The following PCDHGA5 variants were observed in gnomAD, a reference collection of about 807,000 sequenced individuals.
PCDHGA5 encodes protocadherin gamma-A5.
Under a neutral mutation model 56.7 loss-of-function variants are expected in PCDHGA5, and 36 were observed. The observed-to-expected ratio is 0.64, with a 90% CI of 0.49 to 0.84. The LOEUF is 0.84. PCDHGA5 is among the 40% of genes least tolerant of loss of function. The pLI is 0.00. For missense variants in PCDHGA5, 1,305 were observed against 1,201.5 expected, an observed-to-expected ratio of 1.09 and a Z score of -1.27; for synonymous variants, 563 against 520.2, an observed-to-expected ratio of 1.08 and a Z score of -1.12.
intron 1 of PCDHGA5, chr5:141,430,875 T>A (rs1323872183): frequency 6.3e-7 from 1 of 1,599,400 alleles, no homozygotes; most frequent in Non-Finnish European, 8.5e-7. Context: ...CCGGAAGAGC[T>A]GGAGAAAGGC....
At chr5:141,502,056 C>A (rs1163976282) in intron 2 of PCDHGA5, among the ~76,000 whole-genome samples, 1 of 152,116 alleles carries the variant, frequency 6.6e-6, no homozygotes, top group Non-Finnish European at 1.5e-5. Context: ...CTACTTTATT[C>A]CCATTAGCCC....
intron 1 of PCDHGA5, among the ~76,000 whole-genome samples, chr5:141,386,802 A>T (rs1262742441): frequency 6.6e-6 from 1 of 152,248 alleles, no homozygotes; most frequent in East Asian, 1.9e-4. Context: ...AAAATTTATT[A>T]GATGCATAAA....
intron 1 of PCDHGA5, chr5:141,426,302 A>G (rs1590676929): frequency 1.2e-5 from 2 of 172,322 alleles, no homozygotes; most frequent in East Asian, 1.4e-4. Context: ...AACAGGGTGA[A>G]GCAGAGAAGC....
intron 1 of PCDHGA5, among the ~76,000 whole-genome samples, chr5:141,387,427 GT>G (rs1416187411): frequency 6.6e-6 from 1 of 152,220 alleles, no homozygotes; most frequent in Non-Finnish European, 1.5e-5. Context: ...GTCAATAAAT[GT>G]TTATGTACTT....
At chr5:141,375,622 TCTGTACGCC>T in intron 1 of PCDHGA5, 1 of 1,614,200 alleles carries the variant, frequency 6.2e-7, no homozygotes. Flanking sequence ...ACACTGGGAT[TCTGTACGCC>T]CTGCGCTCCT....
intron 1 of PCDHGA5, chr5:141,372,047 G>C (rs1768347911): frequency 1.2e-6 from 2 of 1,613,408 alleles, no homozygotes; most frequent in Non-Finnish European, 1.7e-6. Context: ...TGCGCGTGTT[G>C]GTGGACGACC....
intron 1 of PCDHGA5, chr5:141,398,831 C>T: frequency 6.2e-7 from 1 of 1,614,014 alleles, no homozygotes; most frequent in South Asian, 1.1e-5. Context: ...GTAACCGACG[C>T]CAATGATAAT....
At chr5:141,467,901 C>T (rs1484485803) in intron 1 of PCDHGA5, among the ~76,000 whole-genome samples, 7 of 152,034 alleles carry the variant, frequency 4.6e-5, no homozygotes, top group Admixed American at 1.3e-4. Flanking sequence ...TCAAGAAATC[C>T]GCCCACCTCA....
At chr5:141,478,519 G>T (rs778194073) in intron 1 of PCDHGA5, 19 of 1,610,728 alleles carry the variant, frequency 1.2e-5, no homozygotes, top group Non-Finnish European at 1.6e-5. Flanking sequence ...GGCAGGTGTT[G>T]GGTGCAGAGA....
intron 1 of PCDHGA5, among the ~76,000 whole-genome samples, chr5:141,453,315 T>A (rs1410108522): frequency 6.6e-6 from 1 of 151,214 alleles, no homozygotes; most frequent in African/African-American, 2.5e-5. Context: ...TTATTTATTT[T>A]AGAGATGGGG....
chr5:141,375,688 C>A, intron 1 of PCDHGA5: 2 of 1,614,256 alleles, frequency 1.2e-6, no homozygotes, highest in South Asian at 2.2e-5. Flanking sequence ...TGACAGCCAG[C>A]GACAGCGGGG....
chr5:141,456,263 T>C (rs2098847567), intron 1 of PCDHGA5, among the ~76,000 whole-genome samples: 2 of 152,292 alleles, frequency 1.3e-5, no homozygotes, highest in South Asian at 2.1e-4. Flanking sequence ...CCATTGCTTC[T>C]GGCTACTTCC....
Position 141,364,352 on chromosome 5 carries a change from T to C in PCDHGA5, c.22T>C (p.Trp8Arg). ...GGCAATGGCGAGTCCACCTAGGGGCTGGGGCTGCGGAGAGCTGCTGCTGCC... is the reference window on the plus strand; with the variant it reads ...GGCAATGGCGAGTCCACCTAGGGGCCGGGGCTGCGGAGAGCTGCTGCTGCC... MASPPRG[W>R]GCGELLLPFM... The change falls in exon 1 of 4, where the codon TGG becomes CGG. Residue 8 changes from tryptophan to arginine, a missense_variant. Trp to Arg is a moderately radical substitution (Grantham distance 101). Coordinates refer to ENST00000518069, the MANE Select transcript of PCDHGA5 (RefSeq NM_018918.3). 1 of 1,551,202 alleles carries C rather than the reference T, an allele frequency of 6.4e-7. No individual in the cohort carries two copies. Among genetic ancestry groups the C allele is most frequent in the Non-Finnish European group, 8.7e-7 (1 of 1,151,596 alleles).
rs376101780 is a variant in PCDHGA5, at chr5:141,485,901, A to G, written c.2422-8906A>G. 3 of 1,614,026 alleles carry G rather than the reference A, an allele frequency of 1.9e-6. No homozygotes were observed. In the African/African-American group the frequency reaches 4.0e-5, roughly 22 times the overall value. Reference sequence around the variant, plus strand: ...GTAAACGACAACGCCCCAGCCTTCCAGCAATCCAGCTACAGGATTAGTGTG... The same window carrying G: ...GTAAACGACAACGCCCCAGCCTTCCGGCAATCCAGCTACAGGATTAGTGTG... On this transcript the variant is annotated intron_variant, in intron 1 of 3. Coordinates refer to ENST00000518069, the MANE Select transcript of PCDHGA5 (RefSeq NM_018918.3). This position sits in a 1 kb window ranked among gnomAD's most constrained non-coding sequence, Gnocchi z 5.7.
intron 1 of PCDHGA5, chr5:141,367,192 T>G (rs1764986193): frequency 6.3e-6 from 1 of 158,980 alleles, no homozygotes; most frequent in African/African-American, 2.4e-5. Flanking sequence ...GGAAATAATT[T>G]ACAGTATTTA....
Position 141,486,151 on chromosome 5 carries a change from T to C in PCDHGA5, c.2422-8656T>C, listed in dbSNP as rs570065848. The C allele has an allele frequency of 2.7e-5, 44 of 1,613,914 alleles. No individual in the cohort carries two copies. In the South Asian group the frequency reaches 4.3e-4, roughly 16 times the overall value. ...TTGATGTGCGGGCTCGCGATGGGGGTTCTCCAGCCATGGAGCAACATTGCA... is the reference window on the plus strand; with the variant it reads ...TTGATGTGCGGGCTCGCGATGGGGGCTCTCCAGCCATGGAGCAACATTGCA... On this transcript the variant is annotated intron_variant, in intron 1 of 3. Transcript: ENST00000518069. The surrounding 1 kb of genome is among the most constrained non-coding windows in gnomAD (Gnocchi z 5.0).
chr5:141,432,087 C>G lies in PCDHGA5; in HGVS notation c.2422-62720C>G. On this transcript the variant is annotated intron_variant, in intron 1 of 3. Coordinates refer to ENST00000518069, the MANE Select transcript of PCDHGA5 (RefSeq NM_018918.3). This position sits in a 1 kb window ranked among gnomAD's most constrained non-coding sequence, Gnocchi z 6.0. ...GAAACTCATATCTCGCTGAACGTGG[C>G]AGACACCAACGACAACCCGCCGGTC... 3 of 1,614,178 alleles carry G rather than the reference C, an allele frequency of 1.9e-6. No homozygotes were observed. The highest frequency in any genetic ancestry group is 2.5e-6 in the Non-Finnish European group (3 of 1,180,042).
chr5:141,402,897 C>T (rs1177256058), intron 1 of PCDHGA5: 6 of 1,508,528 alleles, frequency 4.0e-6, no homozygotes, highest in Admixed American at 4.7e-5. Flanking sequence ...AAGAAAGAAC[C>T]TGATGAAGCA....
intron 2 of PCDHGA5, among the ~76,000 whole-genome samples, chr5:141,497,879 G>T (rs62379207): frequency 2.0e-5 from 3 of 152,128 alleles, no homozygotes; most frequent in Admixed American, 6.5e-5. Flanking sequence ...TGAAATAAGC[G>T]TTAGGATCTA....
Sources: gnomAD v4.1 joint callset for allele counts (sites outside exome capture counted in the v4.1 genomes callset) on GRCh38, gnomAD v4.1.1 for gene constraint, Gnocchi (gnomAD v3.1) non-coding constraint, MANE v1.5 for transcripts, NCBI Gene and HGNC (gene_info 2026-07-23, HGNC 2026-07-21) for gene names.